The following CARMIL1 variants were observed in gnomAD, a reference collection of about 807,000 sequenced individuals.
The protein encoded by CARMIL1 is F-actin-uncapping protein LRRC16A.
A neutral mutation model predicts 177.1 loss-of-function variants in CARMIL1; 90 were observed. The observed-to-expected ratio is 0.51, with a 90% CI of 0.43 to 0.61. The LOEUF (loss-of-function observed/expected upper bound fraction) is 0.61. Ranked by LOEUF, CARMIL1 falls within the 20% of genes least tolerant of loss-of-function variation. CARMIL1 has a pLI of 0.00. For synonymous variants in CARMIL1, 577 were observed against 606.2 expected (o/e 0.95, Z 0.71); for missense variants, 1,380 against 1,667.0 (o/e 0.83, Z 3.00).
rs1270678313 is a variant in CARMIL1 at position 25,520,339 on chromosome 6, T to A, written c.1968+2T>A. On this transcript the variant is annotated splice_donor_variant, in intron 23 of 36. Coordinates refer to ENST00000329474, the MANE Select transcript of CARMIL1 (RefSeq NM_017640.6). LOFTEE classifies it high-confidence loss of function. ...AAAACAGAAGACGCTCTGCAAAAGG[T>A]ATTAAAGAATCAGTAGCTTAATTAC... 1 of 1,499,192 alleles carries A rather than the reference T, an allele frequency of 6.7e-7. No individual in the cohort carries two copies. The highest frequency in any genetic ancestry group is 9.1e-7 in the Non-Finnish European group (1 of 1,101,878). The allele number at this position is 1,499,192 out of a possible 1,614,324, so 92.9% of individuals were successfully genotyped here.
chr6:25,446,431 T>C (rs1445137656), intron 5 of CARMIL1, among the ~76,000 whole-genome samples: 1 of 152,248 alleles, frequency 6.6e-6, no homozygotes, highest in Non-Finnish European at 1.5e-5. Flanking sequence ...GAGACAACTT[T>C]CCTTAAACCT....
intron 2 of CARMIL1, among the ~76,000 whole-genome samples, chr6:25,290,988 A>G: frequency 6.6e-6 from 1 of 152,030 alleles, no homozygotes; most frequent in South Asian, 2.1e-4. Flanking sequence ...TTATTAATTA[A>G]TTTTTTTTAG....
chr6:25,522,037 T>C (rs1464379957), intron 23 of CARMIL1, among the ~76,000 whole-genome samples: 2 of 152,188 alleles, frequency 1.3e-5, no homozygotes, highest in Non-Finnish European at 2.9e-5. Context: ...TGTTCCAAAG[T>C]TGACTTTCCT....
At chr6:25,377,173 A>G (rs1791072062) in intron 2 of CARMIL1, among the ~76,000 whole-genome samples, 1 of 152,188 alleles carries the variant, frequency 6.6e-6, no homozygotes, top group South Asian at 2.1e-4. Flanking sequence ...CCATGGGGGA[A>G]GCCTCAGCTA....
chr6:25,374,114 A>G (rs1232452755), intron 2 of CARMIL1, among the ~76,000 whole-genome samples: 1 of 152,096 alleles, frequency 6.6e-6, no homozygotes, highest in Non-Finnish European at 1.5e-5. Context: ...TCCTTGAGGT[A>G]TGATGTTAGA....
intron 2 of CARMIL1, among the ~76,000 whole-genome samples, chr6:25,296,903 A>ATCTG (rs1418344224): frequency 6.5e-5 from 2 of 30,876 alleles, no homozygotes; most frequent in Non-Finnish European, 1.1e-4. Flanking sequence ...TTATCTATCT[A>ATCTG]TCTATCTATC....
intron 5 of CARMIL1, among the ~76,000 whole-genome samples, chr6:25,446,948 G>C (rs1798294842): frequency 6.6e-6 from 1 of 152,178 alleles, no homozygotes; most frequent in Non-Finnish European, 1.5e-5. Flanking sequence ...CTTTTAAGTA[G>C]CTAAGTTTGC....
At chr6:25,501,265 C>G (rs1327023310) in intron 17 of CARMIL1, among the ~76,000 whole-genome samples, 1 of 152,100 alleles carries the variant, frequency 6.6e-6, no homozygotes, top group Admixed American at 6.6e-5. Flanking sequence ...TCACTGTTCT[C>G]TCTTCCCCAG....
chr6:25,474,058 G>C (rs767870667), intron 11 of CARMIL1, among the ~76,000 whole-genome samples: 1 of 151,866 alleles, frequency 6.6e-6, no homozygotes, highest in Non-Finnish European at 1.5e-5. Flanking sequence ...ATGTTTTCCA[G>C]GTTTGTTGAA....
chr6:25,387,252 T>A (rs762642418), intron 2 of CARMIL1, among the ~76,000 whole-genome samples: 6 of 152,206 alleles, frequency 3.9e-5, no homozygotes, highest in African/African-American at 7.2e-5. Flanking sequence ...AAAGTGTTTA[T>A]AGTTATAGGT....
chr6:25,551,135 A>G, intron 27 of CARMIL1, 50 bp downstream of exon 27: 1 of 1,460,172 alleles, frequency 6.8e-7, no homozygotes, highest in Non-Finnish European at 9.5e-7. Flanking sequence ...CTGTAAATGC[A>G]GTCGAGGCAG....
intron 24 of CARMIL1, among the ~76,000 whole-genome samples, chr6:25,533,873 T>C (rs887545061): frequency 6.6e-6 from 1 of 152,190 alleles, no homozygotes; most frequent in African/African-American, 2.4e-5. Flanking sequence ...TCCACCACTT[T>C]GGCCTTCTGA....
chr6:25,431,667 A>C (rs1298775414), intron 4 of CARMIL1, among the ~76,000 whole-genome samples: 1 of 152,172 alleles, frequency 6.6e-6, no homozygotes, highest in Non-Finnish European at 1.5e-5. Context: ...TCACTGTGCT[A>C]TTTAATTATG....
chr6:25,469,107 G>C (rs760770546), intron 9 of CARMIL1, among the ~76,000 whole-genome samples: 7 of 152,150 alleles, frequency 4.6e-5, no homozygotes, highest in Non-Finnish European at 1.0e-4. Flanking sequence ...GTAAATTGTA[G>C]GCATCAGGTC....
rs1805278243 is a variant in CARMIL1 at position 25,509,715 on chromosome 6, C to T, written c.1455C>T (p.Thr485=). The T allele has an allele frequency of 6.3e-7, 1 of 1,598,550 alleles. No homozygotes were observed. The highest frequency in any genetic ancestry group is 1.3e-5 in the African/African-American group (1 of 74,806). Residue 485 remains threonine, a synonymous_variant, in exon 18 of 37, where the codon ACC becomes ACT. Transcript: ENST00000329474. This position sits in a 1 kb window ranked among gnomAD's most constrained non-coding sequence, Gnocchi z 4.1. ...GCATTGCTGAAATACACAACATCAC[C>T]AGCTTAGACATCTCTGACAATGGTA... ...EGCIAEIHNI[T]SLDISDNGLE...
intron 3 of CARMIL1, among the ~76,000 whole-genome samples, chr6:25,422,867 C>T (rs569571995): frequency 5.9e-5 from 9 of 152,298 alleles, no homozygotes; most frequent in South Asian, 2.1e-4. Flanking sequence ...TCTGCCCCCT[C>T]CTTGCTCTGC....
intron 11 of CARMIL1, among the ~76,000 whole-genome samples, chr6:25,480,404 A>G (rs1157909129): frequency 6.6e-6 from 1 of 151,854 alleles, no homozygotes; most frequent in Admixed American, 6.6e-5. Flanking sequence ...TTAATTAATG[A>G]AATATTCCAT....
At chr6:25,347,725 G>A (rs1026224213) in intron 2 of CARMIL1, among the ~76,000 whole-genome samples, 4 of 152,136 alleles carry the variant, frequency 2.6e-5, no homozygotes, top group African/African-American at 9.7e-5. Context: ...GTAGTAAATG[G>A]ATTAAAACTG....
At position 25,604,827 on chromosome 6, in the gene CARMIL1, G is replaced by T; in HGVS notation, c.3568G>T (p.Ala1190Ser). ...AATTTTTTAGAAGCTTGGGAATGATGCCGTATCCCAGGATTCTTCCAGCCC... is the reference window on the plus strand; with the variant it reads ...AATTTTTTAGAAGCTTGGGAATGATTCCGTATCCCAGGATTCTTCCAGCCC... ...ACAQKKLGNDAVSQDSSSPAL... is the reference protein window; with the variant it reads ...ACAQKKLGNDSVSQDSSSPAL... Residue 1190 changes from alanine to serine, a missense_variant, in exon 34 of 37, where the codon GCC (alanine) becomes TCC (serine). Transcript: ENST00000329474. 1 of 1,592,128 alleles carries T rather than the reference G, an allele frequency of 6.3e-7. No homozygotes were observed. Among genetic ancestry groups the T allele is most frequent in the Non-Finnish European group, 8.6e-7 (1 of 1,169,478 alleles).
Sources: gnomAD v4.1 joint callset for allele counts (sites outside exome capture counted in the v4.1 genomes callset) on GRCh38, gnomAD v4.1.1 for gene constraint, Gnocchi (gnomAD v3.1) non-coding constraint, MANE v1.5 for transcripts, NCBI Gene and HGNC (gene_info 2026-07-23, HGNC 2026-07-21) for gene names.